Variants in MACROD2 observed in about 807,000 individuals in gnomAD.
The protein encoded by MACROD2 is mono-ADP ribosylhydrolase 2, also known as ADP-ribose glycohydrolase MACROD2.
A neutral mutation model predicts 70.4 loss-of-function variants in MACROD2; 36 were observed. The ratio of observed to expected loss-of-function variants is 0.51; its 90% CI spans 0.39 to 0.68. MACROD2 has a LOEUF of 0.68. MACROD2 is among the 30% of genes least tolerant of loss of function. The pLI is 0.00. For synonymous variants in MACROD2, 172 were observed against 178.8 expected, an observed-to-expected ratio of 0.96 and a Z score of 0.30; for missense variants, 496 against 538.4, an observed-to-expected ratio of 0.92 and a Z score of 0.78.
intron 8 of MACROD2, among the ~76,000 whole-genome samples, chr20:15,844,040 C>T (rs1455391298): frequency 1.3e-5 from 2 of 151,826 alleles, no homozygotes; most frequent in African/African-American, 4.8e-5. Flanking sequence ...TCTTGCCAAA[C>T]ATCTAGCATG....
At chr20:15,090,169 C>T (rs1418473768) in intron 5 of MACROD2, among the ~76,000 whole-genome samples, 1 of 149,442 alleles carries the variant, frequency 6.7e-6, no homozygotes, top group African/African-American at 2.5e-5. Context: ...GTAATATATG[C>T]TAGGACATAT....
chr20:14,659,352 C>G (rs1036466050), intron 4 of MACROD2, among the ~76,000 whole-genome samples: 1 of 152,128 alleles, frequency 6.6e-6, no homozygotes, highest in African/African-American at 2.4e-5. Context: ...TCATTAATCT[C>G]TATTCATTCT....
At chr20:14,480,550 T>A (rs767572868) in intron 3 of MACROD2, among the ~76,000 whole-genome samples, 28 of 152,204 alleles carry the variant, frequency 1.8e-4, no homozygotes, top group Admixed American at 1.3e-4. Flanking sequence ...TGTTAAATAA[T>A]AATAATTTTT....
intron 9 of MACROD2, among the ~76,000 whole-genome samples, chr20:15,883,601 TTAATAATTAA>T (rs869171215): frequency 5.0e-4 from 1 of 1,982 alleles, no homozygotes; most frequent in Non-Finnish European, 8.5e-3. Context: ...CTAATCATCA[TTAATAATTAA>T]TAATCAATTC....
chr20:15,705,595 T>G (rs1428849111), intron 8 of MACROD2, among the ~76,000 whole-genome samples: 1 of 152,098 alleles, frequency 6.6e-6, no homozygotes, highest in Non-Finnish European at 1.5e-5. Flanking sequence ...AATTTTTGTA[T>G]TTTTAGTAGA....
intron 4 of MACROD2, among the ~76,000 whole-genome samples, chr20:14,494,241 G>A (rs1452413674): frequency 2.0e-5 from 3 of 151,868 alleles, no homozygotes; most frequent in South Asian, 2.1e-4. Flanking sequence ...ACATAACTAG[G>A]TTTGTTTCCT....
At chr20:14,581,955 T>C (rs1981050344) in intron 4 of MACROD2, among the ~76,000 whole-genome samples, 1 of 152,170 alleles carries the variant, frequency 6.6e-6, no homozygotes, top group Non-Finnish European at 1.5e-5. Flanking sequence ...TCTGAAGTTA[T>C]TCTACACATT....
intron 8 of MACROD2, among the ~76,000 whole-genome samples, chr20:15,795,069 C>G (rs867307169): frequency 1.3e-5 from 2 of 152,162 alleles, no homozygotes; most frequent in Middle Eastern, 3.4e-3. Flanking sequence ...CTTGTCTGCA[C>G]AATTCCAAAA....
intron 3 of MACROD2, among the ~76,000 whole-genome samples, chr20:14,444,739 G>C (rs551885908): frequency 6.6e-6 from 1 of 152,136 alleles, no homozygotes; most frequent in Admixed American, 6.5e-5. Flanking sequence ...CACCGTCTCA[G>C]TTAATGGCAA....
At chr20:14,748,237 C>A (rs1466590147) in intron 5 of MACROD2, among the ~76,000 whole-genome samples, 1 of 152,058 alleles carries the variant, frequency 6.6e-6, no homozygotes, top group Admixed American at 6.5e-5. Flanking sequence ...CAGGCTAGGC[C>A]AGACCCTGAG....
intron 3 of MACROD2, among the ~76,000 whole-genome samples, chr20:14,111,299 T>C (rs761871835): frequency 6.6e-6 from 1 of 152,030 alleles, no homozygotes; most frequent in African/African-American, 2.4e-5. Context: ...GATATTGGTC[T>C]GGGCAAAATT....
chr20:14,874,630 A>G (rs2073528146), intron 5 of MACROD2, among the ~76,000 whole-genome samples: 1 of 151,870 alleles, frequency 6.6e-6, no homozygotes, highest in Non-Finnish European at 1.5e-5. Flanking sequence ...GCACAGAACA[A>G]GGAATTTGCA....
At chr20:14,737,132 T>C (rs1449716941) in intron 5 of MACROD2, among the ~76,000 whole-genome samples, 1 of 152,010 alleles carries the variant, frequency 6.6e-6, no homozygotes, top group Admixed American at 6.6e-5. Context: ...GGCCCTGGTG[T>C]GTGTTGTTCC....
intron 6 of MACROD2, among the ~76,000 whole-genome samples, chr20:15,364,150 A>G (rs1600297684): frequency 6.6e-6 from 1 of 152,340 alleles, no homozygotes; most frequent in South Asian, 2.1e-4. Flanking sequence ...GAATATTTGT[A>G]TTCTTCATAA....
At chr20:15,049,669 C>T (rs747690419) in intron 5 of MACROD2, among the ~76,000 whole-genome samples, 10 of 152,050 alleles carry the variant, frequency 6.6e-5, no homozygotes, top group African/African-American at 9.7e-5. Flanking sequence ...GCTACATGAC[C>T]GGGTGCGTTG....
chr20:15,078,201 G>GA (rs1313634802), intron 5 of MACROD2, among the ~76,000 whole-genome samples: 2 of 152,064 alleles, frequency 1.3e-5, no homozygotes, highest in Non-Finnish European at 2.9e-5. Context: ...TTGCCAGCTG[G>GA]AAAAAAAGTT....
chr20:15,231,269 A>G (rs1305337042), intron 6 of MACROD2, among the ~76,000 whole-genome samples: 1 of 152,070 alleles, frequency 6.6e-6, no homozygotes, highest in Non-Finnish European at 1.5e-5. Context: ...CTCAATACAT[A>G]AGATCCTATT....
chr20:14,843,898 C>T (rs1443546494), intron 5 of MACROD2, among the ~76,000 whole-genome samples: 2 of 151,982 alleles, frequency 1.3e-5, no homozygotes. Context: ...TGTTCTGATG[C>T]TTGCAACCTG....
At chr20:14,897,809 G>A (rs2073848381) in intron 5 of MACROD2, among the ~76,000 whole-genome samples, 1 of 152,112 alleles carries the variant, frequency 6.6e-6, no homozygotes, top group South Asian at 2.1e-4. Context: ...ACAAGGTGCT[G>A]ACATATTTAG....
Sources: gnomAD v4.1 joint callset for allele counts (sites outside exome capture counted in the v4.1 genomes callset) on GRCh38, gnomAD v4.1.1 for gene constraint, MANE v1.5 for transcripts, NCBI Gene and HGNC (gene_info 2026-07-23, HGNC 2026-07-21) for gene names.